NPRL3: variants seen among roughly 807,000 people sequenced by gnomAD.
NPRL3 encodes the protein GATOR1 complex protein NPRL3.
In NPRL3, 23 loss-of-function variants were observed where a neutral mutation model predicts 57.2. The observed-to-expected ratio is 0.40, with a 90% CI of 0.29 to 0.57. The LOEUF is 0.57. Among genes scored for constraint, NPRL3 ranks in the 20% least tolerant of loss-of-function variants. NPRL3 has a pLI of 0.42. For synonymous variants in NPRL3, 333 were observed against 321.1 expected (o/e 1.04, Z -0.39); for missense variants, 691 against 767.1 (o/e 0.90, Z 1.17).
intron 8 of NPRL3, 135 bp from the exon 9 acceptor site, chr16:98,436 TATGCA>T: frequency 1.0e-6 from 1 of 953,048 alleles, no homozygotes; most frequent in Non-Finnish European, 1.5e-6. Flanking sequence ...ATGCACCAGG[TATGCA>T]CCTGGGACTC....
intron 10 of NPRL3, 142 bp from the exon 11 acceptor site, chr16:92,867 C>G (rs1898823349): frequency 1.9e-6 from 2 of 1,056,902 alleles, no homozygotes; most frequent in Non-Finnish European, 1.4e-6. Context: ...TGAGGCCAGG[C>G]AGGCCTCCAG....
chr16:95,116 C>G (rs1898931949), intron 9 of NPRL3, among the ~76,000 whole-genome samples: 1 of 151,870 alleles, frequency 6.6e-6, no homozygotes, highest in Admixed American at 6.6e-5. Flanking sequence ...CTGATAAGGG[C>G]CTTAGAGATT....
chr16:103,234 C>A (rs953360433), intron 7 of NPRL3, among the ~76,000 whole-genome samples: 1 of 149,546 alleles, frequency 6.7e-6, no homozygotes, highest in Non-Finnish European at 1.5e-5. Flanking sequence ...CTTGATCTCC[C>A]AGGCTCAAGA....
At chr16:138,076 C>T (rs1269466829) in intron 2 of NPRL3, 74 bp downstream of exon 2, 3 of 1,100,308 alleles carry the variant, frequency 2.7e-6, no homozygotes, top group Non-Finnish European at 4.0e-6. Context: ...CTCCGCGAGG[C>T]GGCCCTGGAA....
chr16:99,043 G>A (rs772044914), intron 8 of NPRL3, among the ~76,000 whole-genome samples: 2 of 152,142 alleles, frequency 1.3e-5, no homozygotes, highest in African/African-American at 4.8e-5. Flanking sequence ...CCTCAGAGAC[G>A]CCCAGCAAAC....
Position 120,460 on chromosome 16 carries a change from G to C in NPRL3, c.189-1205C>G, listed in dbSNP as rs532008353. ...CTGCTTTGAACTGCACTGTAGCTCA[G>C]CTCTGTAATAGCAAATGGCAAGTAG... On this transcript the variant is annotated intron_variant, in intron 3 of 13. Transcript: ENST00000611875. Among the ~76,000 whole-genome samples the C allele has an allele frequency of 4.6e-5, 7 of 152,302 alleles. No individual in the cohort carries two copies. In the South Asian group the frequency reaches 1.4e-3, roughly 32 times the overall value.
chr16:111,024 G>C (rs987156984), intron 6 of NPRL3, among the ~76,000 whole-genome samples: 2 of 151,822 alleles, frequency 1.3e-5, no homozygotes, highest in African/African-American at 4.8e-5. Context: ...AAAAGATAAC[G>C]TTTAAAAAAA....
rs376971014 is a variant in NPRL3 at position 112,788 on chromosome 16, G to A, written c.394-13C>T. ...GGTCTGCGTTGGCCTGCAGGAGAGAGACCATACACAGACTCAAACGTGTGC... is the reference window on the plus strand; with the variant it reads ...GGTCTGCGTTGGCCTGCAGGAGAGAAACCATACACAGACTCAAACGTGTGC... On this transcript the variant is annotated splice_polypyrimidine_tract_variant and intron_variant, in intron 5 of 13. Transcript: ENST00000611875. The A allele has an allele frequency of 1.3e-6, 2 of 1,573,712 alleles. No homozygotes were observed. The highest frequency in any genetic ancestry group is 1.7e-5 in the Admixed American group (1 of 57,924).
chr16:111,692 A>G (rs1899822939), intron 6 of NPRL3, among the ~76,000 whole-genome samples: 1 of 152,044 alleles, frequency 6.6e-6, no homozygotes, highest in Non-Finnish European at 1.5e-5. Context: ...AGCTCAAGCA[A>G]TCTACCTGCC....
chr16:134,029 A>T (rs1900936777), intron 2 of NPRL3, among the ~76,000 whole-genome samples: 1 of 152,224 alleles, frequency 6.6e-6, no homozygotes, highest in Admixed American at 6.5e-5. Context: ...TAACATAAAG[A>T]TCATGTATCA....
In NPRL3 at chr16:131,575, G is replaced by A. The variant is rs139621662; in HGVS notation, c.119-984C>T. On this transcript the variant is annotated intron_variant, in intron 2 of 13. Transcript: ENST00000611875. ...ATTGTGCTACTGCACTTGAGCCTGG[G>A]TGACAGAGTGAGACTCAGTCTCAAA... Among the ~76,000 whole-genome samples the A allele has an allele frequency of 6.4e-4, 82 of 128,472 alleles. 1 individual carries two copies. Among genetic ancestry groups the A allele is most frequent in the Admixed American group, 3.4e-3 (35 of 10,164 alleles). 84.3% of individuals were successfully genotyped at this position (128,472 alleles called of 152,430 possible). A position where few individuals can be genotyped will look rare whatever the true frequency, so the allele number is the denominator to read the frequency against.
rs1056764404 is a variant in NPRL3, at chr16:85,921, T to C, written c.*784A>G. 3.0e-6 allele frequency: 3 copies of C among 1,016,130 alleles called. No homozygotes were observed. In the African/African-American group the frequency reaches 5.0e-5, roughly 17 times the overall value. The allele number at this position is 1,016,130 out of a possible 1,614,324, so 62.9% of individuals were successfully genotyped here. A position where few individuals can be genotyped will look rare whatever the true frequency, so the allele number is the denominator to read the frequency against. ...AGCTCTTCCTCCAGGACACGAGAGC[T>C]GGGGGCCTGAGTACGTAGCGCCAGG... On this transcript the variant is annotated 3_prime_UTR_variant, in exon 14 of 14. Transcript: ENST00000611875.
At chr16:100,617 A>C (rs1899240733) in intron 7 of NPRL3, 108 bp from the exon 8 acceptor site, 2 of 1,128,776 alleles carry the variant, frequency 1.8e-6, no homozygotes, top group East Asian at 6.2e-5. Context: ...CTTAGGGGAA[A>C]CTGCAGGTGG....
intron 6 of NPRL3, 99 bp from the exon 7 acceptor site, chr16:110,705 G>C: frequency 1.1e-6 from 1 of 939,432 alleles, no homozygotes. Flanking sequence ...CCGCCACCAT[G>C]TCTGGCTAAT....
intron 8 of NPRL3, 149 bp downstream of exon 8, chr16:100,223 T>G (rs956518248): frequency 1.2e-6 from 1 of 806,524 alleles, no homozygotes; most frequent in Non-Finnish European, 1.8e-6. Flanking sequence ...GTGTTTTAAC[T>G]TCTATAAACG....
chr16:117,928 C>T lies in NPRL3; in HGVS notation c.319-553G>A, dbSNP rs557820465. On this transcript the variant is annotated intron_variant, in intron 4 of 13. Coordinates refer to ENST00000611875, the MANE Select transcript of NPRL3 (RefSeq NM_001077350.3). Reference sequence around the variant, plus strand: ...AACTCTTCAAAGCCAACTACAAGTTCTGCCACCAGGGGGAGTTGGGGCCCC... The same window carrying T: ...AACTCTTCAAAGCCAACTACAAGTTTTGCCACCAGGGGGAGTTGGGGCCCC... Among the ~76,000 whole-genome samples the T allele has an allele frequency of 6.6e-5, 10 of 152,360 alleles. No individual in the cohort carries two copies. The South Asian group carries it at 2.1e-3, about 32-fold the overall frequency.
In NPRL3 at chr16:100,783, T is replaced by C. The variant is rs55875966; in HGVS notation, c.630-274A>G. Among the ~76,000 whole-genome samples the C allele has an allele frequency of 0.91, 132,385 of 145,902 alleles. 60,209 individuals carry two copies. The highest frequency in any genetic ancestry group is 0.96 in the African/African-American group (38,037 of 39,714). On this transcript the variant is annotated intron_variant, in intron 7 of 13. Coordinates refer to ENST00000611875, the MANE Select transcript of NPRL3 (RefSeq NM_001077350.3). ...AGCAGTTCGAGACCAGCCTGGCTAA[T>C]AACACGGTGAAACCCCGTCTCTACT...
At chr16:119,802 C>T (rs774168446) in intron 3 of NPRL3, among the ~76,000 whole-genome samples, 51 of 152,254 alleles carry the variant, frequency 3.3e-4, no homozygotes, top group Non-Finnish European at 4.8e-4. Context: ...GTTCCCTTAT[C>T]CCAAACACTT....
chr16:92,833 C>T lies in NPRL3; in HGVS notation c.1032-108G>A, dbSNP rs551653619. The stretch of plus-strand genomic sequence containing the variant: ...GCAAAGTGTGGCAGGTGGGTCAGGA[C>T]AGTGCGATGAGGGCAGAACGGTATG... On this transcript the variant is annotated intron_variant, in intron 10 of 13. Transcript: ENST00000611875. 4.3e-5 allele frequency: 61 copies of T among 1,432,450 alleles called. No individual in the cohort carries two copies. In the South Asian group the frequency reaches 7.1e-4, roughly 17 times the overall value. The allele number at this position is 1,432,450 out of a possible 1,614,324, so 88.7% of individuals were successfully genotyped here.
Sources: gnomAD v4.1 joint callset for allele counts (sites outside exome capture counted in the v4.1 genomes callset) on GRCh38, gnomAD v4.1.1 for gene constraint, MANE v1.5 for transcripts, NCBI Gene and HGNC (gene_info 2026-07-23, HGNC 2026-07-21) for gene names.